Variants in APAF1 observed in about 807,000 individuals in gnomAD.
The protein encoded by APAF1 is apoptotic peptidase activating factor 1.
Under a neutral mutation model 152.4 loss-of-function variants are expected in APAF1, and 91 were observed. That is an observed-to-expected ratio of 0.60 (90% CI 0.50 to 0.71). APAF1 has a LOEUF of 0.71. Among genes scored for constraint, APAF1 ranks in the 30% least tolerant of loss-of-function variants. The pLI is 0.00. For synonymous variants in APAF1, 484 were observed against 494.1 expected (o/e 0.98, Z 0.27); for missense variants, 1,283 against 1,472.0 (o/e 0.87, Z 2.10).
intron 12 of APAF1, among the ~76,000 whole-genome samples, chr12:98,676,685 C>T (rs903257470): frequency 1.5e-4 from 21 of 142,972 alleles, no homozygotes; most frequent in African/African-American, 3.4e-4. Flanking sequence ...CTTGCTCTGT[C>T]GCCCAGGCTG....
rs780185808 is a variant in APAF1, at chr12:98,727,222, CAGA to C, written c.3512_3514del (p.Glu1171del). 7.4e-6 allele frequency: 12 copies of C among 1,614,154 alleles called. No homozygotes were observed. The highest frequency in any genetic ancestry group is 7.6e-6 in the Non-Finnish European group (9 of 1,180,018). On this transcript the variant is annotated inframe_deletion, in exon 26 of 27. Transcript: ENST00000551964. ...CTTCTTCATTTGTGTGCTCCGCTTTCAGAAGAAGGAGCTGCTACCCATGGAGGC... is the reference window on the plus strand; with the variant it reads ...CTTCTTCATTTGTGTGCTCCGCTTTCAGAAGGAGCTGCTACCCATGGAGGC...
rs2097764081 is a variant in APAF1 at position 98,732,643 on chromosome 12, A to G, written c.*77A>G. ...AAATTCTAATGAAACCCTGATATCAACTTTTTATAAAGCTCTTAATTGTTG... is the reference window on the plus strand; with the variant it reads ...AAATTCTAATGAAACCCTGATATCAGCTTTTTATAAAGCTCTTAATTGTTG... On this transcript the variant is annotated 3_prime_UTR_variant, in exon 27 of 27. Transcript: ENST00000551964. The G allele has an allele frequency of 3.1e-6, 3 of 970,466 alleles. No individual in the cohort carries two copies. Among genetic ancestry groups the G allele is most frequent in the Admixed American group, 4.4e-5 (2 of 44,954 alleles). 60.1% of individuals were successfully genotyped at this position (970,466 alleles called of 1,614,324 possible).
chr12:98,724,576 T>G (rs2097747691), intron 24 of APAF1, among the ~76,000 whole-genome samples: 1 of 152,212 alleles, frequency 6.6e-6, no homozygotes, highest in Non-Finnish European at 1.5e-5. Context: ...CTTGAAGCAT[T>G]ATGACTCATC....
At chr12:98,683,753 A>C (rs891377060) in intron 15 of APAF1, among the ~76,000 whole-genome samples, 2 of 152,198 alleles carry the variant, frequency 1.3e-5, no homozygotes, top group African/African-American at 2.4e-5. Context: ...GAATCCTTGG[A>C]TTGTCCAAGG....
At chr12:98,726,507 G>A (rs2097750837) in intron 25 of APAF1, 1 of 153,618 alleles carries the variant, frequency 6.5e-6, no homozygotes, top group African/African-American at 2.4e-5. Context: ...AGGAACAGAG[G>A]TGTTATCAGA....
Position 98,703,251 on chromosome 12 carries a change from T to C in APAF1, c.2467-120T>C, listed in dbSNP as rs1429777232. On this transcript the variant is annotated intron_variant, in intron 17 of 26. Transcript: ENST00000551964. ...TTTTGTTTATGACTGTCAATAATTA[T>C]GCCAGTTATCAGTAATTGTCATATT... is the stretch of plus-strand genomic sequence containing the variant. 3 of 1,058,564 alleles carry C rather than the reference T, an allele frequency of 2.8e-6. No homozygotes were observed. The East Asian group carries it at 7.2e-5, about 26-fold the overall frequency. 65.6% of individuals were successfully genotyped at this position (1,058,564 alleles called of 1,614,324 possible). A position where few individuals can be genotyped will look rare whatever the true frequency, so the allele number is the denominator to read the frequency against.
chr12:98,723,855 G>T, intron 24 of APAF1, 91 bp downstream of exon 24: 2 of 1,322,878 alleles, frequency 1.5e-6, no homozygotes, highest in Non-Finnish European at 1.1e-6. Context: ...CATAACAGTT[G>T]CTCTCTACAT....
rs2097652331 is a variant in APAF1 at position 98,653,690 on chromosome 12, A to AT, written c.526+4006_526+4007insT. ...AAAAAAAAAAAAAAAAAAAAAAAAA[A>AT]AATATATATATATATATATATATAT... On this transcript the variant is annotated intron_variant, in intron 4 of 26. Coordinates refer to ENST00000551964, the MANE Select transcript of APAF1 (RefSeq NM_181861.2). Among the ~76,000 whole-genome samples the AT allele has an allele frequency of 3.0e-4, 18 of 60,994 alleles. 2 individuals carry two copies. The highest frequency in any genetic ancestry group is 6.0e-4 in the Admixed American group (3 of 5,030). The allele number at this position is 60,994 out of a possible 152,430, so 40.0% of individuals were successfully genotyped here.
intron 22 of APAF1, among the ~76,000 whole-genome samples, chr12:98,719,030 C>T (rs185360893): frequency 5.3e-5 from 8 of 152,288 alleles, no homozygotes; most frequent in African/African-American, 2.4e-5. Flanking sequence ...CCCTTATCCT[C>T]GTTCTACTCC....
At chr12:98,646,365 G>A (rs960697460) in intron 1 of APAF1, among the ~76,000 whole-genome samples, 5 of 152,096 alleles carry the variant, frequency 3.3e-5, no homozygotes, top group African/African-American at 1.2e-4. Context: ...TATCAGTTTT[G>A]TGCCCCTGCT....
chr12:98,645,791 C>G lies in APAF1; in HGVS notation c.-86C>G, dbSNP rs1057045088. The G allele has an allele frequency of 1.3e-5, 2 of 152,316 alleles. No homozygotes were observed. Among genetic ancestry groups the G allele is most frequent in the African/African-American group, 2.4e-5 (1 of 41,456 alleles). The allele number at this position is 152,316 out of a possible 1,614,324, so 9.4% of individuals were successfully genotyped here. On this transcript the variant is annotated 5_prime_UTR_variant, in exon 1 of 27. Transcript: ENST00000551964. ...GGCCTGGAGTCTCCCAGTCTTGTCC[C>G]GGCAGTGCCGCCCTCCCCACTAAGA...
intron 23 of APAF1, 133 bp from the exon 24 acceptor site, chr12:98,723,506 A>G: frequency 2.0e-6 from 2 of 1,001,438 alleles, no homozygotes; most frequent in African/African-American, 1.6e-5. Flanking sequence ...AGTCACATTT[A>G]AAGTAAAGGG....
chr12:98,683,095 C>T, intron 14 of APAF1, 48 bp from the exon 15 acceptor site: 14 of 1,494,666 alleles, frequency 9.4e-6, no homozygotes, highest in Non-Finnish European at 1.3e-5. Flanking sequence ...CTCTGTTCTC[C>T]CTTTGAAAAT....
intron 4 of APAF1, among the ~76,000 whole-genome samples, chr12:98,654,764 A>G (rs1435390610): frequency 2.0e-5 from 3 of 151,268 alleles, no homozygotes; most frequent in African/African-American, 4.9e-5. Context: ...AAGGCAACAG[A>G]TAGTTTATTT....
chr12:98,697,635 C>G (rs373535568), intron 16 of APAF1, among the ~76,000 whole-genome samples: 5 of 152,138 alleles, frequency 3.3e-5, no homozygotes, highest in Non-Finnish European at 5.9e-5. Flanking sequence ...CACTACTGCA[C>G]TCTTGGTGAG....
At chr12:98,703,311 T>C in intron 17 of APAF1, 60 bp from the exon 18 acceptor site, 1 of 1,577,508 alleles carries the variant, frequency 6.3e-7, no homozygotes. Flanking sequence ...GGGAGGATAT[T>C]AGAATAGCTT....
intron 16 of APAF1, among the ~76,000 whole-genome samples, chr12:98,687,100 C>G (rs2097698793): frequency 6.6e-6 from 1 of 152,150 alleles, no homozygotes; most frequent in Admixed American, 6.5e-5. Context: ...TGCGGTGGCT[C>G]ACGCCTGTAA....
At chr12:98,723,150 G>C in intron 22 of APAF1, 43 bp from the exon 23 acceptor site, 4 of 1,602,298 alleles carry the variant, frequency 2.5e-6, no homozygotes, top group Non-Finnish European at 3.4e-6. Flanking sequence ...AATGAGATAG[G>C]ATCGGGGGAG....
rs1491316422 is a variant in APAF1, at chr12:98,665,278, A to ATATATAT, written c.956-274_956-273insATATATT. 9.4e-3 allele frequency among the ~76,000 whole-genome samples: 621 copies of ATATATAT among 65,926 alleles called. 7 individuals carry two copies. Among genetic ancestry groups the ATATATAT allele is most frequent in the African/African-American group, 0.011 (196 of 17,706 alleles). The allele number at this position is 65,926 out of a possible 152,430, so 43.3% of individuals were successfully genotyped here. On this transcript the variant is annotated intron_variant, in intron 7 of 26. Coordinates refer to ENST00000551964, the MANE Select transcript of APAF1 (RefSeq NM_181861.2). ...CGCATATATATATATATATATATAT[A>ATATATAT]TTTTTTTTTTTTTTTGTAATGACAT...
Sources: allele counts gnomAD v4.1 joint callset (sites outside exome capture counted in the v4.1 genomes callset), GRCh38; gene constraint gnomAD v4.1.1; transcripts MANE v1.5; gene names NCBI Gene and HGNC (gene_info 2026-07-23, HGNC 2026-07-21).